COL19A1: variants seen among roughly 807,000 people sequenced by gnomAD.
The protein encoded by COL19A1 is collagen alpha-1(XIX) chain.
COL19A1 carries 159 observed loss-of-function variants against 190.2 expected under a neutral mutation model. The observed-to-expected ratio is 0.84, with a 90% CI of 0.73 to 0.95. The LOEUF is 0.95. Among genes scored for constraint, COL19A1 ranks in the 40% least tolerant of loss-of-function variants. The pLI, the probability that COL19A1 is intolerant of heterozygous loss-of-function variation, is 0.00. For missense variants in COL19A1, 1,418 were observed against 1,431.9 expected, an observed-to-expected ratio of 0.99 and a Z score of 0.16; for synonymous variants, 509 against 458.9, an observed-to-expected ratio of 1.11 and a Z score of -1.39.
intron 11 of COL19A1, among the ~76,000 whole-genome samples, chr6:69,999,055 G>C (rs1482316201): frequency 6.6e-6 from 1 of 151,640 alleles, no homozygotes; most frequent in Admixed American, 6.6e-5. Flanking sequence ...CTCCCGAGTA[G>C]CTGGGATCAC....
At chr6:70,003,868 T>C (rs1028702099) in intron 11 of COL19A1, among the ~76,000 whole-genome samples, 4 of 152,254 alleles carry the variant, frequency 2.6e-5, no homozygotes, top group African/African-American at 9.6e-5. Flanking sequence ...TTAGCCCCTT[T>C]ACATTTAACG....
At chr6:70,081,235 A>G (rs1343556905) in intron 15 of COL19A1, among the ~76,000 whole-genome samples, 1 of 152,126 alleles carries the variant, frequency 6.6e-6, no homozygotes, top group Non-Finnish European at 1.5e-5. Flanking sequence ...AAGACTTATA[A>G]TATTTCTAAT....
chr6:70,201,794 A>T (rs754617463), intron 49 of COL19A1, among the ~76,000 whole-genome samples: 8 of 152,246 alleles, frequency 5.3e-5, no homozygotes, highest in Non-Finnish European at 1.2e-4. Context: ...TCAGTACAGT[A>T]GGCATGCTGT....
intron 11 of COL19A1, among the ~76,000 whole-genome samples, chr6:69,978,221 A>G (rs1562053697): frequency 6.6e-6 from 1 of 152,190 alleles, no homozygotes; most frequent in Non-Finnish European, 1.5e-5. Flanking sequence ...TGCCAGATAC[A>G]CGTATACATA....
intron 27 of COL19A1, among the ~76,000 whole-genome samples, chr6:70,147,306 G>A (rs921001625): frequency 6.6e-6 from 1 of 152,062 alleles, no homozygotes; most frequent in African/African-American, 2.4e-5. Flanking sequence ...CACCAAAAAG[G>A]TCTGAGTAAC....
intron 48 of COL19A1, 47 bp downstream of exon 48, chr6:70,190,428 C>G (rs1402977341): frequency 1.6e-6 from 2 of 1,219,654 alleles, no homozygotes; most frequent in East Asian, 4.7e-5. Flanking sequence ...TGATTCCCAC[C>G]TCCCACCTAC....
intron 16 of COL19A1, among the ~76,000 whole-genome samples, chr6:70,115,830 T>G (rs1011167513): frequency 2.9e-5 from 4 of 139,064 alleles, no homozygotes; most frequent in Admixed American, 7.2e-5. Context: ...GTTTTGTTTT[T>G]TTTTTTTTTT....
intron 15 of COL19A1, among the ~76,000 whole-genome samples, chr6:70,086,278 C>G (rs1782587382): frequency 6.6e-6 from 1 of 151,976 alleles, no homozygotes; most frequent in South Asian, 2.1e-4. Flanking sequence ...GCCCCACCCC[C>G]CTGACACACA....
intron 42 of COL19A1, among the ~76,000 whole-genome samples, chr6:70,178,671 T>A (rs922419472): frequency 6.6e-6 from 1 of 152,098 alleles, no homozygotes; most frequent in African/African-American, 2.4e-5. Context: ...CGAAAAATGG[T>A]GATTGTTCTA....
At chr6:70,098,442 C>A in intron 15 of COL19A1, 1 of 512,746 alleles carries the variant, frequency 2.0e-6, no homozygotes, top group South Asian at 1.4e-5. Flanking sequence ...GATGTTGTTC[C>A]TTCTCAGAAT....
intron 11 of COL19A1, among the ~76,000 whole-genome samples, chr6:70,019,124 G>T (rs1213116352): frequency 6.6e-6 from 1 of 152,126 alleles, no homozygotes; most frequent in Admixed American, 6.6e-5. Flanking sequence ...GTTTACAAAA[G>T]TCCCTATGCA....
chr6:70,118,067 T>C (rs1784681741), intron 16 of COL19A1, among the ~76,000 whole-genome samples: 1 of 152,200 alleles, frequency 6.6e-6, no homozygotes. Context: ...TACACCACCA[T>C]GTGATGCCGA....
rs1251079556 is a variant in COL19A1 at position 69,928,004 on chromosome 6, A to C, written c.362A>C (p.Gln121Pro). The change falls in exon 5 of 51, where the codon CAG becomes CCG. Residue 121 changes from glutamine (Q) to proline (P), a missense_variant. Coordinates refer to ENST00000620364, the MANE Select transcript of COL19A1 (RefSeq NM_001858.6). ...NAKKERWFLW[Q>P]VLNQQNIPQI... ...AAAAAGGAACGGTGGTTTCTGTGGC[A>C]GGTTTTAAACCAGCAGAATATTCCA... is the stretch of plus-strand genomic sequence containing the variant. 6.2e-7 allele frequency: 1 copy of C among 1,613,234 alleles called. No individual in the cohort carries two copies. The highest frequency in any genetic ancestry group is 8.5e-7 in the Non-Finnish European group (1 of 1,179,516).
chr6:70,053,265 G>A (rs1168247992), intron 14 of COL19A1, among the ~76,000 whole-genome samples: 2 of 152,100 alleles, frequency 1.3e-5, no homozygotes, highest in African/African-American at 4.8e-5. Flanking sequence ...GACTTTTTTA[G>A]AAACTTGAAA....
rs550061374 is a variant in COL19A1, at chr6:70,156,475, T to C, written c.2238+106T>C. The C allele has an allele frequency of 3.2e-5, 32 of 990,838 alleles. No individual in the cohort carries two copies. The African/African-American group carries it at 5.1e-4, about 16-fold the overall frequency. 61.4% of individuals were successfully genotyped at this position (990,838 alleles called of 1,614,324 possible). A position where few individuals can be genotyped will look rare whatever the true frequency, so the allele number is the denominator to read the frequency against. ...ACTTTTAAAATACATACTATATATA[T>C]ATATGTATGTATGTATATGGAGAGA... On this transcript the variant is annotated intron_variant, in intron 33 of 50. Transcript: ENST00000620364.
intron 14 of COL19A1, among the ~76,000 whole-genome samples, chr6:70,038,955 G>T (rs955606716): frequency 5.3e-5 from 8 of 152,060 alleles, no homozygotes; most frequent in Non-Finnish European, 8.8e-5. Flanking sequence ...TACTTGGGAG[G>T]CTGAGTCAGG....
intron 11 of COL19A1, among the ~76,000 whole-genome samples, chr6:69,969,340 C>T (rs2150053300): frequency 6.6e-6 from 1 of 152,274 alleles, no homozygotes; most frequent in African/African-American, 2.4e-5. Context: ...AACGTAGTGA[C>T]TTAAAACGTT....
At position 70,024,078 on chromosome 6, in the gene COL19A1, G is replaced by A. The variant is rs567262996; in HGVS notation, c.1080+398G>A. On this transcript the variant is annotated intron_variant, in intron 12 of 50. Coordinates refer to ENST00000620364, the MANE Select transcript of COL19A1 (RefSeq NM_001858.6). ...TGTATTGGTAGGCTTTCAGTGATGG[G>A]AAGAAAGGGCGAAGTGAAGGGAAAC... Among the ~76,000 whole-genome samples the A allele has an allele frequency of 5.9e-5, 9 of 152,226 alleles. No individual in the cohort carries two copies. In the South Asian group the frequency reaches 1.9e-3, roughly 32 times the overall value.
At chr6:70,023,578 A>G (rs776677130) in intron 11 of COL19A1, 49 bp from the exon 12 acceptor site, 1 of 1,496,694 alleles carries the variant, frequency 6.7e-7, no homozygotes, top group South Asian at 1.2e-5. Flanking sequence ...TTTGCTAGCA[A>G]AGGTTTTCAG....
Sources: allele counts gnomAD v4.1 joint callset (sites outside exome capture counted in the v4.1 genomes callset), GRCh38; gene constraint gnomAD v4.1.1; transcripts MANE v1.5; gene names NCBI Gene and HGNC (gene_info 2026-07-23, HGNC 2026-07-21).